GCLC: variants seen among roughly 807,000 people sequenced by gnomAD.
The protein encoded by GCLC is glutamate--cysteine ligase catalytic subunit.
Under a neutral mutation model 81.5 loss-of-function variants are expected in GCLC, and 30 were observed. That is an observed-to-expected ratio of 0.37 (90% CI 0.28 to 0.50). The LOEUF is 0.50. Among genes scored for constraint, GCLC ranks in the 20% least tolerant of loss-of-function variants. The probability of loss-of-function intolerance (pLI) is 0.96; values close to 1 mark genes in which losing one functional copy is unlikely to be tolerated. For missense variants in GCLC, 556 were observed against 777.4 expected (o/e 0.72, Z 3.39); for synonymous variants, 262 against 273.3 (o/e 0.96, Z 0.41).
chr6:53,524,655 T>C (rs1294149520), intron 1 of GCLC, among the ~76,000 whole-genome samples: 1 of 152,192 alleles, frequency 6.6e-6, no homozygotes, highest in Non-Finnish European at 1.5e-5. Context: ...CTCATCTGCC[T>C]GGCATCTGCT....
At chr6:53,520,710 G>A (rs1357534753) in intron 3 of GCLC, 68 bp downstream of exon 3, 25 of 1,327,152 alleles carry the variant, frequency 1.9e-5, no homozygotes, top group African/African-American at 1.2e-4. Flanking sequence ...TGCCCGGGTC[G>A]TGACTTGCTC....
rs758819879 is a variant in GCLC, at chr6:53,544,490, G to A, written c.150+6C>T. The A allele has an allele frequency of 6.2e-7, 1 of 1,606,288 alleles. No individual in the cohort carries two copies. The highest frequency in any genetic ancestry group is 1.1e-5 in the South Asian group (1 of 91,056). On this transcript the variant is annotated splice_donor_region_variant and intron_variant, in intron 1 of 15. Transcript: ENST00000650454. ...CCCGGCGGGGACGGGGACCGCGGGC[G>A]CTCACCTCATCGCCCCACTTGAGAA...
At position 53,506,274 on chromosome 6, in the gene GCLC, G is replaced by T. The variant is rs896420076; in HGVS notation, c.1198-379C>A. On this transcript the variant is annotated intron_variant, in intron 10 of 15. Transcript: ENST00000650454. The surrounding 1 kb of genome is among the most constrained non-coding windows in gnomAD (Gnocchi z 4.0). ...CATCTGAGAACCCTGTCACATGACAGTTGTTTCCTTTCTTCCTCCTCTCCT... is the reference window on the plus strand; with the variant it reads ...CATCTGAGAACCCTGTCACATGACATTTGTTTCCTTTCTTCCTCCTCTCCT... The T allele has an allele frequency of 6.2e-5, 19 of 304,966 alleles. No homozygotes were observed. The highest frequency in any genetic ancestry group is 1.2e-4 in the Non-Finnish European group (19 of 158,938). 18.9% of individuals were successfully genotyped at this position (304,966 alleles called of 1,614,324 possible).
chr6:53,527,095 T>C lies in GCLC; in HGVS notation c.151-4568A>G, dbSNP rs567653388. Among the ~76,000 whole-genome samples the C allele has an allele frequency of 2.0e-5, 3 of 152,292 alleles. No individual in the cohort carries two copies. In the East Asian group the frequency reaches 5.8e-4, roughly 29 times the overall value. On this transcript the variant is annotated intron_variant, in intron 1 of 15. Coordinates refer to ENST00000650454, the MANE Select transcript of GCLC (RefSeq NM_001498.4). Reference sequence around the variant, plus strand: ...TCAGGGACTATGAGCTGTGAGGTCCTACATTCCTCCCAGAGACAGCATGAG... The same window carrying C: ...TCAGGGACTATGAGCTGTGAGGTCCCACATTCCTCCCAGAGACAGCATGAG...
intron 1 of GCLC, among the ~76,000 whole-genome samples, chr6:53,525,276 T>C (rs78451697): frequency 0.013 from 2,023 of 152,340 alleles, 46 homozygotes; most frequent in African/African-American, 0.046. Flanking sequence ...AACACATTTA[T>C]GTTTATTTCC....
chr6:53,527,071 C>T (rs974522656), intron 1 of GCLC, among the ~76,000 whole-genome samples: 1 of 152,138 alleles, frequency 6.6e-6, no homozygotes, highest in Non-Finnish European at 1.5e-5. Context: ...CCAAGCCCTT[C>T]AGGGACTATG....
Position 53,505,482 on chromosome 6 carries a change from G to C in GCLC, c.1305C>G (p.Asp435Glu). 1.9e-6 allele frequency: 3 copies of C among 1,579,844 alleles called. No homozygotes were observed. The highest frequency in any genetic ancestry group is 2.6e-6 in the Non-Finnish European group (3 of 1,148,984). Residue 435 changes from aspartate (D) to glutamate (E), a missense_variant, in exon 12 of 16, where the codon GAC becomes GAG. Transcript: ENST00000650454. ...EFRPMEVQLT[D>E]FENSAYVVFV... Reference sequence around the variant, plus strand: ...ACACCACATAGGCAGAGTTCTCAAAGTCTGTTAATTGCACCTAGACAAGCA... The same window carrying C: ...ACACCACATAGGCAGAGTTCTCAAACTCTGTTAATTGCACCTAGACAAGCA...
At position 53,514,474 on chromosome 6, in the gene GCLC, T is replaced by C; in HGVS notation, c.584A>G (p.His195Arg). ...GATGACAACCTTTTCTCCTCTCCTA[T>C]GTCGGATATTTCTTGTTAAGGTACT... The part of the protein sequence containing the change: ...RFSTLTRNIR[H>R]RRGEKVVINV... The change falls in exon 5 of 16, where the codon CAT (histidine) becomes CGT (arginine). Residue 195 changes from histidine to arginine, a missense_variant. This residue lies in a region of GCLC where 234 missense variants were observed against 303.8 expected (regional missense o/e 0.77). Transcript: ENST00000650454. 1.2e-6 allele frequency: 2 copies of C among 1,613,456 alleles called. No homozygotes were observed. Among genetic ancestry groups the C allele is most frequent in the Non-Finnish European group, 1.7e-6 (2 of 1,179,370 alleles).
At chr6:53,526,760 T>C (rs1250450801) in intron 1 of GCLC, among the ~76,000 whole-genome samples, 2 of 141,814 alleles carry the variant, frequency 1.4e-5, no homozygotes. Context: ...ATCGCGGCAC[T>C]GCACTCTGGC....
intron 1 of GCLC, among the ~76,000 whole-genome samples, chr6:53,532,496 A>G (rs1763190502): frequency 6.6e-6 from 1 of 152,140 alleles, no homozygotes; most frequent in Admixed American, 6.5e-5. Flanking sequence ...ACAACTTAAC[A>G]CACTGGCAGG....
chr6:53,529,652 G>A (rs1459627786), intron 1 of GCLC, among the ~76,000 whole-genome samples: 4 of 152,224 alleles, frequency 2.6e-5, no homozygotes, highest in Non-Finnish European at 1.5e-5. Flanking sequence ...AATAGGTTCT[G>A]AGTTCTAAAG....
At chr6:53,516,415 A>C (rs767887535) in intron 3 of GCLC, among the ~76,000 whole-genome samples, 193 bp from the exon 4 acceptor site, 1 of 152,158 alleles carries the variant, frequency 6.6e-6, no homozygotes, top group Non-Finnish European at 1.5e-5. Context: ...TCTTGCTCAC[A>C]AGGATCTTCT....
At position 53,516,220 on chromosome 6, in the gene GCLC, A is replaced by C; in HGVS notation, c.449T>G (p.Leu150Ter). 6.3e-7 allele frequency: 1 copy of C among 1,581,042 alleles called. No homozygotes were observed. The highest frequency in any genetic ancestry group is 8.7e-7 in the Non-Finnish European group (1 of 1,149,922). ...ALCTITSFPR[L>*]GCPGFTLPEV... is the part of the protein sequence containing the mutation. ...GGGCAGTGTGAACCCAGGACAGCCT[A>C]ATCTACAACAAATTGAAGAACTAAA... is the stretch of plus-strand genomic sequence containing the variant. The change falls in exon 4 of 16, where the codon TTA becomes TGA. Residue 150 changes from leucine (L) to a stop codon, truncating the protein, a stop_gained and splice_region_variant. Coordinates refer to ENST00000650454, the MANE Select transcript of GCLC (RefSeq NM_001498.4). LOFTEE classifies it high-confidence loss of function.
intron 3 of GCLC, among the ~76,000 whole-genome samples, chr6:53,516,910 T>A (rs1350099209): frequency 3.3e-5 from 5 of 152,204 alleles, no homozygotes; most frequent in East Asian, 3.9e-4. Context: ...TCTACATCAC[T>A]TTTAGTGATG....
intron 2 of GCLC, among the ~76,000 whole-genome samples, chr6:53,521,437 G>C (rs1039797014): frequency 6.6e-6 from 1 of 152,100 alleles, no homozygotes; most frequent in African/African-American, 2.4e-5. Context: ...TTACAGGCAT[G>C]AGCCACCATG....
chr6:53,506,090 A>G lies in GCLC; in HGVS notation c.1198-195T>C. On this transcript the variant is annotated intron_variant, in intron 10 of 15. Coordinates refer to ENST00000650454, the MANE Select transcript of GCLC (RefSeq NM_001498.4). The surrounding 1 kb of genome is among the most constrained non-coding windows in gnomAD (Gnocchi z 4.0). ...AAAACAAAACAGCCAAGTGTTTAAC[A>G]AAAGCTATGAGGCCCTATCACTGCA... The G allele has an allele frequency of 1.8e-6, 1 of 567,696 alleles. No individual in the cohort carries two copies. The highest frequency in any genetic ancestry group is 3.2e-6 in the Non-Finnish European group (1 of 311,704). The allele number at this position is 567,696 out of a possible 1,614,324, so 35.2% of individuals were successfully genotyped here. A position where few individuals can be genotyped will look rare whatever the true frequency, so the allele number is the denominator to read the frequency against.
Position 53,514,282 on chromosome 6 carries a change from A to G in GCLC, c.675T>C (p.Asp225=). ...CCGGCTTAGAAGCCCTTGAAGCTTC[A>G]TCATCCTCAGTAAATGTTTCTATAA... ...SPFIETFTED[D]EASRASKPDH... is the part of the protein sequence containing the mutation. The change falls in exon 6 of 16, where the codon GAT becomes GAC. Residue 225 remains aspartate, a synonymous_variant. Transcript: ENST00000650454. 6.2e-7 allele frequency: 1 copy of G among 1,606,220 alleles called. No individual in the cohort carries two copies. Among genetic ancestry groups the G allele is most frequent in the Non-Finnish European group, 8.5e-7 (1 of 1,172,788 alleles).
chr6:53,522,188 T>C (rs1763011445), intron 2 of GCLC, among the ~76,000 whole-genome samples: 1 of 152,228 alleles, frequency 6.6e-6, no homozygotes, highest in African/African-American at 2.4e-5. Context: ...ATTGCTATGA[T>C]CTTTACTTTA....
intron 12 of GCLC, among the ~76,000 whole-genome samples, chr6:53,504,405 G>C (rs1413082687): frequency 6.6e-6 from 1 of 152,012 alleles, no homozygotes; most frequent in Non-Finnish European, 1.5e-5. Flanking sequence ...AAGACCAGTA[G>C]GCCCTTCTCT....
Sources: gnomAD v4.1 joint callset for allele counts (sites outside exome capture counted in the v4.1 genomes callset) on GRCh38, gnomAD v4.1.1 for gene constraint, gnomAD v4.1.1 regional missense constraint, Gnocchi (gnomAD v3.1) non-coding constraint, MANE v1.5 for transcripts, NCBI Gene and HGNC (gene_info 2026-07-23, HGNC 2026-07-21) for gene names.